Variants in SMPD3 observed in about 807,000 individuals in gnomAD.
SMPD3 encodes the protein sphingomyelin phosphodiesterase 3.
Under a neutral mutation model 55.7 loss-of-function variants are expected in SMPD3, and 21 were observed. That is an observed-to-expected ratio of 0.38 (90% confidence interval 0.27 to 0.54). The LOEUF (loss-of-function observed/expected upper bound fraction) is 0.54, where lower values mean the gene tolerates loss of function less well. Among genes scored for constraint, SMPD3 ranks in the 20% least tolerant of loss-of-function variants. The probability of loss-of-function intolerance (pLI) is 0.80; values close to 1 mark genes in which losing one functional copy is unlikely to be tolerated. For missense variants in SMPD3, 842 were observed against 899.6 expected, an observed-to-expected ratio of 0.94 and a Z score of 0.82; for synonymous variants, 457 against 404.3, an observed-to-expected ratio of 1.13 and a Z score of -1.56.
intron 1 of SMPD3, 101 bp from the exon 2 acceptor site, chr16:68,386,760 C>T (rs1422811461): frequency 6.6e-6 from 1 of 152,316 alleles, no homozygotes; most frequent in African/African-American, 2.4e-5. Context: ...GGTACAAAGA[C>T]CAAGGGGCCT....
chr16:68,363,864 C>T lies in SMPD3; in HGVS notation c.1558G>A (p.Asp520Asn), dbSNP rs372180117. The change falls in exon 6 of 9, where the codon GAC becomes AAC. Residue 520 changes from aspartate (D) to asparagine (N), a missense_variant and splice_region_variant. By Grantham distance (23) the Asp-to-Asn change is conservative (BLOSUM62 1). This residue lies in a region of SMPD3 where 649 missense variants were observed against 643.6 expected (regional missense o/e 1.01). Transcript: ENST00000219334. ...DFNFDNCSSD[D>N]KLEQQHSLFT... ...AGGGAGTGTTGCTGCTCCAGCTTGT[C>T]GTCTGTGCGGGGAGGGAGGAAACGC... is the stretch of plus-strand genomic sequence containing the variant. 18 of 1,560,578 alleles carry T rather than the reference C, an allele frequency of 1.2e-5. No individual in the cohort carries two copies. The highest frequency in any genetic ancestry group is 5.4e-5 in the African/African-American group (4 of 73,858).
chr16:68,371,030 G>A lies in SMPD3; in HGVS notation c.1152C>T (p.Tyr384=). The change falls in exon 3 of 9, where the codon TAC becomes TAT. Residue 384 remains tyrosine, a synonymous_variant. Transcript: ENST00000219334. ...CGTAGACCCCGACGTCGTACAGGAT[G>A]TACTCGAAGTAGCCGTGCAGCTGCT... The part of the protein sequence containing the change: ...LKEQLHGYFE[Y]ILYDVGVYGC... The A allele has an allele frequency of 6.2e-7, 1 of 1,614,240 alleles. No individual in the cohort carries two copies. Among genetic ancestry groups the A allele is most frequent in the Non-Finnish European group, 8.5e-7 (1 of 1,180,052 alleles).
chr16:68,381,659 G>A (rs573489851), intron 2 of SMPD3, among the ~76,000 whole-genome samples: 33 of 152,342 alleles, frequency 2.2e-4, no homozygotes, highest in African/African-American at 7.7e-4. Context: ...ACATTGACCT[G>A]CAGTGTTGGA....
At position 68,363,780 on chromosome 16, in the gene SMPD3, T is replaced by C. The variant is rs1240272335; in HGVS notation, c.1642A>G (p.Ile548Val). 1.3e-6 allele frequency: 2 copies of C among 1,563,156 alleles called. No individual in the cohort carries two copies. The highest frequency in any genetic ancestry group is 1.7e-6 in the Non-Finnish European group (2 of 1,153,966). The part of the protein sequence containing the change: ...LGPGEEKPWA[I>V]GTLLDTNGLY... ...TCCTCCCCCAGCCCCAGCTCACCGATGGCCCACGGCTTCTCCTCACCAGGC... is the reference window on the plus strand; with the variant it reads ...TCCTCCCCCAGCCCCAGCTCACCGACGGCCCACGGCTTCTCCTCACCAGGC... The change falls in exon 6 of 9, where the codon ATC (isoleucine) becomes GTC (valine). Residue 548 changes from isoleucine to valine, a missense_variant. This residue lies in a region of SMPD3 where 649 missense variants were observed against 643.6 expected (regional missense o/e 1.01). Transcript: ENST00000219334.
chr16:68,448,039 C>A (rs1437559425), intron 1 of SMPD3, among the ~76,000 whole-genome samples: 1 of 152,132 alleles, frequency 6.6e-6, no homozygotes. Context: ...CCTGAGTAAT[C>A]CGAGCAGCCC....
intron 1 of SMPD3, among the ~76,000 whole-genome samples, chr16:68,415,261 G>A (rs2090330632): frequency 6.6e-6 from 1 of 152,172 alleles, no homozygotes; most frequent in East Asian, 1.9e-4. Context: ...TGACATTTGG[G>A]TTTGTGGAGA....
Position 68,371,166 on chromosome 16 carries a change from C to T in SMPD3, c.1016G>A (p.Arg339Gln), listed in dbSNP as rs775387559. 6.2e-6 allele frequency: 10 copies of T among 1,613,254 alleles called. No individual in the cohort carries two copies. Among genetic ancestry groups the T allele is most frequent in the South Asian group, 5.5e-5 (5 of 91,086 alleles). ...ATGGTCGAAGGCCTCGTCGGGGTGC[C>T]GCCTCCTGCGTGCAGCCGCCTTCTT... is the stretch of plus-strand genomic sequence containing the variant. ...VVKKAAARRR[R>Q]HPDEAFDHEV... is the part of the protein sequence containing the mutation. The change falls in exon 3 of 9, where the codon CGG becomes CAG. Residue 339 changes from arginine (R) to glutamine (Q), a missense_variant. By Grantham distance (43) the Arg-to-Gln change is conservative. Coordinates refer to ENST00000219334, the MANE Select transcript of SMPD3 (RefSeq NM_018667.4).
chr16:68,431,888 C>T (rs903018036), intron 1 of SMPD3, among the ~76,000 whole-genome samples: 1 of 152,120 alleles, frequency 6.6e-6, no homozygotes, highest in Non-Finnish European at 1.5e-5. Flanking sequence ...TACCACTGCA[C>T]TCCAGCCTGG....
At chr16:68,416,909 C>A (rs1446745170) in intron 1 of SMPD3, among the ~76,000 whole-genome samples, 1 of 152,152 alleles carries the variant, frequency 6.6e-6, no homozygotes, top group Admixed American at 6.5e-5. Flanking sequence ...CAGGAGAGCT[C>A]TGTGGCTGGA....
At chr16:68,394,203 C>T (rs778502358) in intron 1 of SMPD3, among the ~76,000 whole-genome samples, 4 of 151,958 alleles carry the variant, frequency 2.6e-5, no homozygotes, top group East Asian at 1.9e-4. Context: ...CTCATCCATT[C>T]GTCTCTCTCT....
At chr16:68,401,016 C>T (rs1317863764) in intron 1 of SMPD3, among the ~76,000 whole-genome samples, 2 of 152,256 alleles carry the variant, frequency 1.3e-5, no homozygotes, top group Non-Finnish European at 2.9e-5. Context: ...CCCCACCCCT[C>T]ACCTTCAGAG....
chr16:68,365,549 G>T (rs2089452566), intron 3 of SMPD3, among the ~76,000 whole-genome samples: 1 of 152,130 alleles, frequency 6.6e-6, no homozygotes, highest in Non-Finnish European at 1.5e-5. Flanking sequence ...CCATGGCGTG[G>T]CCTCAGAGCC....
chr16:68,377,025 G>A (rs1009270059), intron 2 of SMPD3, among the ~76,000 whole-genome samples: 5 of 152,268 alleles, frequency 3.3e-5, no homozygotes, highest in East Asian at 1.9e-4. Flanking sequence ...GCCCTTGTGT[G>A]CCCTGTTTGC....
chr16:68,390,743 A>G (rs2090104101), intron 1 of SMPD3, among the ~76,000 whole-genome samples: 1 of 152,170 alleles, frequency 6.6e-6, no homozygotes, highest in African/African-American at 2.4e-5. Flanking sequence ...CCCAGCACCT[A>G]TTCAAGATGG....
intron 2 of SMPD3, among the ~76,000 whole-genome samples, chr16:68,386,330 A>G (rs2090052403): frequency 6.6e-6 from 1 of 151,946 alleles, no homozygotes. Flanking sequence ...CTTTTCCCAT[A>G]TATTGAGGGA....
At chr16:68,419,594 G>A (rs2152023521) in intron 1 of SMPD3, among the ~76,000 whole-genome samples, 1 of 152,272 alleles carries the variant, frequency 6.6e-6, no homozygotes, top group South Asian at 2.1e-4. Flanking sequence ...CAGAGTTTTG[G>A]TAAGAGAAAA....
intron 1 of SMPD3, among the ~76,000 whole-genome samples, chr16:68,443,775 G>T (rs1449110153): frequency 1.3e-5 from 2 of 152,204 alleles, no homozygotes; most frequent in African/African-American, 2.4e-5. Flanking sequence ...TCTGGCATTT[G>T]ATTATAAACT....
intron 2 of SMPD3, among the ~76,000 whole-genome samples, chr16:68,379,343 G>C (rs1312682113): frequency 6.6e-6 from 1 of 152,262 alleles, no homozygotes; most frequent in African/African-American, 2.4e-5. Flanking sequence ...TCAACTGACT[G>C]TGCCTTAGTT....
At chr16:68,376,979 G>A (rs2089832752) in intron 2 of SMPD3, among the ~76,000 whole-genome samples, 1 of 152,166 alleles carries the variant, frequency 6.6e-6, no homozygotes, top group African/African-American at 2.4e-5. Context: ...ACCCGCTCCT[G>A]GTAGGACCTC....
Sources: gnomAD v4.1 joint callset for allele counts (sites outside exome capture counted in the v4.1 genomes callset) on GRCh38, gnomAD v4.1.1 for gene constraint, gnomAD v4.1.1 regional missense constraint, MANE v1.5 for transcripts, NCBI Gene and HGNC (gene_info 2026-07-23, HGNC 2026-07-21) for gene names.